The following NLGN1 variants were observed in gnomAD, a reference collection of about 807,000 sequenced individuals.
The protein encoded by NLGN1 is neuroligin 1.
NLGN1 carries 12 observed loss-of-function variants against 65.5 expected under a neutral mutation model. That is an observed-to-expected ratio of 0.18 (90% confidence interval 0.12 to 0.30). NLGN1 has a LOEUF of 0.30. NLGN1 is among the 10% of genes least tolerant of loss of function. The probability of loss-of-function intolerance (pLI) is 1.00; values close to 1 mark genes in which losing one functional copy is unlikely to be tolerated. For missense variants in NLGN1, 750 were observed against 1,007.1 expected (o/e 0.74, Z 3.46); for synonymous variants, 350 against 359.5 (o/e 0.97, Z 0.30).
At chr3:173,840,849 C>T (rs1724635977) in intron 4 of NLGN1, among the ~76,000 whole-genome samples, 1 of 152,126 alleles carries the variant, frequency 6.6e-6, no homozygotes, top group South Asian at 2.1e-4. Context: ...AAAGCTTTTA[C>T]TAGATTTCCA....
At chr3:174,206,012 T>C (rs1042047818) in intron 4 of NLGN1, among the ~76,000 whole-genome samples, 3 of 152,210 alleles carry the variant, frequency 2.0e-5, no homozygotes, top group Non-Finnish European at 2.9e-5. Flanking sequence ...ATGAAAATTA[T>C]GTGATTAATT....
chr3:173,756,909 A>G (rs975186446), intron 3 of NLGN1, among the ~76,000 whole-genome samples: 2 of 151,980 alleles, frequency 1.3e-5, no homozygotes, highest in African/African-American at 2.4e-5. Flanking sequence ...TTATACAAAC[A>G]CTTCAAATAA....
intron 4 of NLGN1, among the ~76,000 whole-genome samples, chr3:173,897,607 A>G (rs1316845857): frequency 6.6e-6 from 1 of 152,182 alleles, no homozygotes; most frequent in African/African-American, 2.4e-5. Flanking sequence ...GACAATTTAC[A>G]TTTTGATCTC....
chr3:173,661,366 C>T (rs1351057881), intron 3 of NLGN1, among the ~76,000 whole-genome samples: 1 of 152,016 alleles, frequency 6.6e-6, no homozygotes, highest in African/African-American at 2.4e-5. Context: ...AGATAAATAC[C>T]TTTCCTAACA....
intron 4 of NLGN1, among the ~76,000 whole-genome samples, chr3:174,130,513 A>G (rs1232259467): frequency 6.6e-6 from 1 of 152,160 alleles, no homozygotes; most frequent in African/African-American, 2.4e-5. Flanking sequence ...GCTGGGTGTA[A>G]TATAATGAAA....
intron 4 of NLGN1, among the ~76,000 whole-genome samples, chr3:174,105,059 G>A (rs1363390376): frequency 3.3e-5 from 5 of 152,246 alleles, no homozygotes; most frequent in African/African-American, 1.2e-4. Context: ...AGAGTTCAGT[G>A]AGGAAGTTAT....
chr3:174,181,976 CAAAAAAA>C lies in NLGN1; in HGVS notation c.647-93320_647-93314del, dbSNP rs551914698. ...TGGGCAACAGATTGAGACTTGGTGT[CAAAAAAA>C]AAAAAAAAAAAAAAAAAAGAATGTC... On this transcript the variant is annotated intron_variant, in intron 4 of 6. Coordinates refer to ENST00000457714, the Ensembl canonical transcript of NLGN1. 2.5e-4 allele frequency among the ~76,000 whole-genome samples: 11 copies of C among 44,402 alleles called. No homozygotes were observed. The East Asian group carries it at 3.4e-3, about 14-fold the overall frequency. The allele number at this position is 44,402 out of a possible 152,430, so 29.1% of individuals were successfully genotyped here. A position where few individuals can be genotyped will look rare whatever the true frequency, so the allele number is the denominator to read the frequency against.
chr3:173,951,997 C>T (rs1748308931), intron 4 of NLGN1, among the ~76,000 whole-genome samples: 3 of 152,174 alleles, frequency 2.0e-5, no homozygotes, highest in Admixed American at 6.5e-5. Flanking sequence ...CAAAGGCATA[C>T]TGTTGAGAAC....
At chr3:174,069,819 A>G (rs181197363) in intron 4 of NLGN1, among the ~76,000 whole-genome samples, 1 of 152,336 alleles carries the variant, frequency 6.6e-6, no homozygotes, top group African/African-American at 2.4e-5. Flanking sequence ...AGTGGGTATT[A>G]GCATAGGCTC....
At chr3:173,848,627 T>C (rs745652101) in intron 4 of NLGN1, among the ~76,000 whole-genome samples, 1 of 152,196 alleles carries the variant, frequency 6.6e-6, no homozygotes, top group Non-Finnish European at 1.5e-5. Context: ...CCTGAACTTC[T>C]AAGAGAGGGA....
intron 4 of NLGN1, among the ~76,000 whole-genome samples, chr3:174,023,053 G>A (rs1226726974): frequency 1.3e-5 from 2 of 152,056 alleles, no homozygotes; most frequent in Admixed American, 6.6e-5. Context: ...TAGCAGAGGC[G>A]ATAGCATTCA....
At chr3:174,124,924 A>T (rs116683151) in intron 4 of NLGN1, among the ~76,000 whole-genome samples, 8,377 of 152,064 alleles carry the variant, frequency 0.055, 295 homozygotes, top group African/African-American at 0.086. Flanking sequence ...ACCAGGCAAC[A>T]TTAGAAGGGC....
Position 174,189,497 on chromosome 3 carries a change from G to A in NLGN1, c.647-85818G>A, listed in dbSNP as rs150425679. On this transcript the variant is annotated intron_variant, in intron 4 of 6. Coordinates refer to ENST00000457714, the Ensembl canonical transcript of NLGN1. The stretch of plus-strand genomic sequence containing the variant: ...TGTCATGGAAGTGAAAATTTCCCTA[G>A]CGCCATAACAGAGGAGAAAATCTTA... Among the ~76,000 whole-genome samples, 727 of 151,978 alleles carry A rather than the reference G, an allele frequency of 4.8e-3. 3 individuals carry two copies. Among genetic ancestry groups the A allele is most frequent in the African/African-American group, 0.017 (691 of 41,492 alleles).
chr3:174,080,236 A>G (rs1370708484), intron 4 of NLGN1, among the ~76,000 whole-genome samples: 1 of 152,154 alleles, frequency 6.6e-6, no homozygotes, highest in Admixed American at 6.6e-5. Flanking sequence ...CCTTTCCTAT[A>G]GTTCTGTTAC....
At chr3:173,622,597 A>C (rs1170613823) in intron 3 of NLGN1, among the ~76,000 whole-genome samples, 7 of 152,054 alleles carry the variant, frequency 4.6e-5, no homozygotes, top group East Asian at 1.9e-4. Context: ...AAAAAAAAAA[A>C]CCCAAAGCTT....
At chr3:174,199,723 A>G (rs1734095027) in intron 4 of NLGN1, among the ~76,000 whole-genome samples, 1 of 152,218 alleles carries the variant, frequency 6.6e-6, no homozygotes, top group Non-Finnish European at 1.5e-5. Flanking sequence ...ATTCCATTTT[A>G]CTTCTGCAGA....
At chr3:173,690,574 A>T (rs1765319415) in intron 3 of NLGN1, among the ~76,000 whole-genome samples, 5 of 152,180 alleles carry the variant, frequency 3.3e-5, no homozygotes, top group Admixed American at 3.3e-4. Context: ...TTATCAGTAA[A>T]TATTTGGTGA....
chr3:173,699,516 A>T (rs1232953523), intron 3 of NLGN1, among the ~76,000 whole-genome samples: 1 of 152,212 alleles, frequency 6.6e-6, no homozygotes, highest in Non-Finnish European at 1.5e-5. Flanking sequence ...CTGCTTTGTC[A>T]TGGATTCTTT....
Position 173,653,966 on chromosome 3 carries a change from C to T in NLGN1, c.493+48875C>T, listed in dbSNP as rs369130806. Among the ~76,000 whole-genome samples, 14 of 152,234 alleles carry T rather than the reference C, an allele frequency of 9.2e-5. No individual in the cohort carries two copies. The East Asian group carries it at 1.7e-3, about 19-fold the overall frequency. On this transcript the variant is annotated intron_variant, in intron 3 of 6. Coordinates refer to ENST00000457714, the Ensembl canonical transcript of NLGN1. ...TCAGCAACCTTGGCTGAGTCAATAG[C>T]CACTACCAACCGGATAGCCACATGA...
Sources: allele counts gnomAD v4.1 joint callset (sites outside exome capture counted in the v4.1 genomes callset), GRCh38; gene constraint gnomAD v4.1.1; transcripts MANE v1.5; gene names NCBI Gene and HGNC (gene_info 2026-07-23, HGNC 2026-07-21).